The following ABHD16B variants were observed in gnomAD, a reference collection of about 807,000 sequenced individuals.
The protein encoded by ABHD16B is abhydrolase domain-containing protein 16B.
ABHD16B carries 14 observed loss-of-function variants against 10.5 expected under a neutral mutation model. That is an observed-to-expected ratio of 1.33 (90% CI 0.88 to 2.08). The LOEUF (loss-of-function observed/expected upper bound fraction) is 2.08, where lower values mean the gene tolerates loss of function less well. Ranked by LOEUF, ABHD16B falls within the 30% of genes most tolerant of loss-of-function variation. The pLI is 0.00. For synonymous variants in ABHD16B, 374 were observed against 337.9 expected (o/e 1.11, Z -1.17); for missense variants, 763 against 717.4 (o/e 1.06, Z -0.73).
rs774096166 is a variant in ABHD16B at position 63,862,434 on chromosome 20, C to T, written c.894C>T (p.His298=). 82 of 1,579,430 alleles carry T rather than the reference C, an allele frequency of 5.2e-5. No homozygotes were observed. The highest frequency in any genetic ancestry group is 6.9e-5 in the Non-Finnish European group (81 of 1,166,592). Residue 298 remains histidine, a synonymous_variant, in exon 1 of 1, where the codon CAC becomes CAT. Transcript: ENST00000369916. The surrounding 1 kb of genome is among the most constrained non-coding windows in gnomAD (Gnocchi z 7.5). ...TGGTGGTGCGCACCGTGCGCGAGCA[C>T]TTCAACCTCAACGTGGCCGAGCAGC... is the stretch of plus-strand genomic sequence containing the variant. ...KGLVVRTVRE[H]FNLNVAEQLC... is the part of the protein sequence containing the mutation.
In ABHD16B at chr20:63,862,105, C is replaced by G. The variant is rs1173014462; in HGVS notation, c.565C>G (p.Leu189Val). 2 of 1,611,924 alleles carry G rather than the reference C, an allele frequency of 1.2e-6. No individual in the cohort carries two copies. Among genetic ancestry groups the G allele is most frequent in the Non-Finnish European group, 1.7e-6 (2 of 1,179,730 alleles). The change falls in exon 1 of 1, where the codon CTG (leucine) becomes GTG (valine). Residue 189 changes from leucine (L) to valine (V), a missense_variant. Coordinates refer to ENST00000369916, the MANE Select transcript of ABHD16B (RefSeq NM_080622.4). The surrounding 1 kb of genome is among the most constrained non-coding windows in gnomAD (Gnocchi z 7.5). ...GNAGFYEMGC[L>V]SAPLEAGYSV... ...CGCGGGCTTCTACGAGATGGGCTGT[C>G]TGTCTGCACCGCTCGAGGCCGGCTA... is the stretch of plus-strand genomic sequence containing the variant.
chr20:63,862,860 G>C lies in ABHD16B; in HGVS notation c.1320G>C (p.Leu440=). 6.5e-7 allele frequency: 1 copy of C among 1,539,766 alleles called. No homozygotes were observed. Among genetic ancestry groups the C allele is most frequent in the South Asian group, 1.2e-5 (1 of 83,934 alleles). ...LSSRRRRRLA[L]FLARKHLKNV... is the part of the protein sequence containing the mutation. ...CGCGGCGGCGCCGGCGCCTCGCACT[G>C]TTCCTGGCTCGGAAGCACCTCAAGA... is the stretch of plus-strand genomic sequence containing the variant. The change falls in exon 1 of 1, where the codon CTG becomes CTC. Residue 440 remains leucine, a synonymous_variant. Coordinates refer to ENST00000369916, the MANE Select transcript of ABHD16B (RefSeq NM_080622.4). This position sits in a 1 kb window ranked among gnomAD's most constrained non-coding sequence, Gnocchi z 7.5.
chr20:63,862,353 C>T lies in ABHD16B; in HGVS notation c.813C>T (p.Thr271=), dbSNP rs762734119. 1.2e-6 allele frequency: 2 copies of T among 1,611,840 alleles called. No individual in the cohort carries two copies. The highest frequency in any genetic ancestry group is 1.7e-6 in the Non-Finnish European group (2 of 1,179,548). Residue 271 remains threonine (T), a synonymous_variant, in exon 1 of 1, where the codon ACC becomes ACT. Transcript: ENST00000369916. The surrounding 1 kb of genome is among the most constrained non-coding windows in gnomAD (Gnocchi z 7.5). The stretch of plus-strand genomic sequence containing the variant: ...TGGGTGCACTGGTGCTGGACGCCAC[C>T]TTCGACGACCTTGTGCCGCTGGCGC... ...PELGALVLDA[T]FDDLVPLALK...
At position 63,861,513 on chromosome 20, in the gene ABHD16B, C is replaced by T. The variant is rs1179060728; in HGVS notation, c.-28C>T. 1 of 1,537,862 alleles carries T rather than the reference C, an allele frequency of 6.5e-7. No homozygotes were observed. Among genetic ancestry groups the T allele is most frequent in the Admixed American group, 2.0e-5 (1 of 50,946 alleles). On this transcript the variant is annotated 5_prime_UTR_variant, in exon 1 of 1. Transcript: ENST00000369916. The surrounding 1 kb of genome is among the most constrained non-coding windows in gnomAD (Gnocchi z 5.4). The stretch of plus-strand genomic sequence containing the variant: ...TGTGCCTCTCGCGGCGATCCCGGCC[C>T]AGCGGCTGGGCGTTAGGGCCACCGC...
rs1041340365 is a variant in ABHD16B, at chr20:63,862,704, C to T, written c.1164C>T (p.Arg388=). The part of the protein sequence containing the change: ...AQEAAFYARY[R]VDEDWCLALL... ...AGGCCGCCTTCTATGCACGCTACCG[C>T]GTGGACGAGGACTGGTGCCTGGCGC... The change falls in exon 1 of 1, where the codon CGC becomes CGT. Residue 388 remains arginine (R), a synonymous_variant. Transcript: ENST00000369916. The surrounding 1 kb of genome is among the most constrained non-coding windows in gnomAD (Gnocchi z 7.5). 6.5e-7 allele frequency: 1 copy of T among 1,533,588 alleles called. No homozygotes were observed. The allele number at this position is 1,533,588 out of a possible 1,614,324, so 95.0% of individuals were successfully genotyped here. A position where few individuals can be genotyped will look rare whatever the true frequency, so the allele number is the denominator to read the frequency against.
rs2052103206 is a variant in ABHD16B, at chr20:63,862,713, G to A, written c.1173G>A (p.Glu391=). The part of the protein sequence containing the change: ...AAFYARYRVD[E]DWCLALLRSY... ...TCTATGCACGCTACCGCGTGGACGA[G>A]GACTGGTGCCTGGCGCTGCTGCGCT... Residue 391 remains glutamate (E), a synonymous_variant, in exon 1 of 1, where the codon GAG becomes GAA. Coordinates refer to ENST00000369916, the MANE Select transcript of ABHD16B (RefSeq NM_080622.4). This position sits in a 1 kb window ranked among gnomAD's most constrained non-coding sequence, Gnocchi z 7.5. The A allele has an allele frequency of 6.5e-7, 1 of 1,531,606 alleles. No homozygotes were observed. Among genetic ancestry groups the A allele is most frequent in the Non-Finnish European group, 8.7e-7 (1 of 1,143,022 alleles). The allele number at this position is 1,531,606 out of a possible 1,614,324, so 94.9% of individuals were successfully genotyped here.
At position 63,862,837 on chromosome 20, in the gene ABHD16B, C is replaced by G. The variant is rs1030777921; in HGVS notation, c.1297C>G (p.Arg433Gly). 1.3e-6 allele frequency: 2 copies of G among 1,534,976 alleles called. No homozygotes were observed. The highest frequency in any genetic ancestry group is 1.4e-5 in the African/African-American group (1 of 72,984). Reference sequence around the variant, plus strand: ...GCTGGTGGGCCAGGGCCTGAGCTCGCGGCGGCGCCGGCGCCTCGCACTGTT... The same window carrying G: ...GCTGGTGGGCCAGGGCCTGAGCTCGGGGCGGCGCCGGCGCCTCGCACTGTT... ...PWLVGQGLSS[R>G]RRRRLALFLA... The change falls in exon 1 of 1, where the codon CGG becomes GGG. Residue 433 changes from arginine to glycine, a missense_variant. By Grantham distance (125) the Arg-to-Gly change is moderately radical. Transcript: ENST00000369916. This position sits in a 1 kb window ranked among gnomAD's most constrained non-coding sequence, Gnocchi z 7.5.
chr20:63,862,918 C>T lies in ABHD16B; in HGVS notation c.1378C>T (p.Pro460Ser), dbSNP rs1422606793. ...VEATHFSPLE[P>S]EEFQLPWRL Reference sequence around the variant, plus strand: ...GGCGACTCACTTCAGCCCTCTGGAGCCTGAGGAGTTTCAGTTGCCCTGGCG... The same window carrying T: ...GGCGACTCACTTCAGCCCTCTGGAGTCTGAGGAGTTTCAGTTGCCCTGGCG... Residue 460 changes from proline to serine, a missense_variant, in exon 1 of 1, where the codon CCT becomes TCT. Coordinates refer to ENST00000369916, the MANE Select transcript of ABHD16B (RefSeq NM_080622.4). The surrounding 1 kb of genome is among the most constrained non-coding windows in gnomAD (Gnocchi z 7.5). The T allele has an allele frequency of 2.0e-6, 3 of 1,501,182 alleles. No individual in the cohort carries two copies. The highest frequency in any genetic ancestry group is 2.7e-6 in the Non-Finnish European group (3 of 1,125,474). 93.0% of individuals were successfully genotyped at this position (1,501,182 alleles called of 1,614,324 possible). A position where few individuals can be genotyped will look rare whatever the true frequency, so the allele number is the denominator to read the frequency against.
chr20:63,862,455 G>A lies in ABHD16B; in HGVS notation c.915G>A (p.Glu305=). 1 of 1,568,868 alleles carries A rather than the reference G, an allele frequency of 6.4e-7. No individual in the cohort carries two copies. The highest frequency in any genetic ancestry group is 1.1e-5 in the South Asian group (1 of 87,168). The change falls in exon 1 of 1, where the codon GAG becomes GAA. Residue 305 remains glutamate, a synonymous_variant. Coordinates refer to ENST00000369916, the MANE Select transcript of ABHD16B (RefSeq NM_080622.4). The surrounding 1 kb of genome is among the most constrained non-coding windows in gnomAD (Gnocchi z 7.5). ...VREHFNLNVA[E]QLCCYPGPVL... is the part of the protein sequence containing the mutation. ...AGCACTTCAACCTCAACGTGGCCGA[G>A]CAGCTGTGCTGCTACCCGGGGCCGG...
Position 63,861,534 on chromosome 20 carries a change from A to C in ABHD16B, c.-7A>C, listed in dbSNP as rs745937528. Reference sequence around the variant, plus strand: ...GGCCCAGCGGCTGGGCGTTAGGGCCACCGCTCATGTGCGTCATCTGCTTCG... The same window carrying C: ...GGCCCAGCGGCTGGGCGTTAGGGCCCCCGCTCATGTGCGTCATCTGCTTCG... On this transcript the variant is annotated 5_prime_UTR_variant, in exon 1 of 1. Transcript: ENST00000369916. This position sits in a 1 kb window ranked among gnomAD's most constrained non-coding sequence, Gnocchi z 5.4. The C allele has an allele frequency of 9.1e-6, 14 of 1,544,850 alleles. No individual in the cohort carries two copies. In the South Asian group the frequency reaches 1.5e-4, roughly 17 times the overall value.
Position 63,862,212 on chromosome 20 carries a change from C to A in ABHD16B, c.672C>A (p.Asp224Glu), listed in dbSNP as rs144760130. The A allele has an allele frequency of 6.2e-7, 1 of 1,611,406 alleles. No individual in the cohort carries two copies. Among genetic ancestry groups the A allele is most frequent in the Non-Finnish European group, 8.5e-7 (1 of 1,179,624 alleles). ...CTCAGCACGACGCCAACGCCATGGA[C>A]GTGGTGGTCGAGTACGCACTGCACC... The part of the protein sequence containing the change: ...PFPQHDANAM[D>E]VVVEYALHRL... Residue 224 changes from aspartate to glutamate, a missense_variant, in exon 1 of 1, where the codon GAC (aspartate) becomes GAA (glutamate). By Grantham distance (45) the Asp-to-Glu change is conservative. Transcript: ENST00000369916. The surrounding 1 kb of genome is among the most constrained non-coding windows in gnomAD (Gnocchi z 7.5).
Position 63,861,822 on chromosome 20 carries a change from C to G in ABHD16B, c.282C>G (p.Pro94=). ...QCLLQQLREL[P]GQLASYALAH... ...TCTTGCAGCAGCTCCGCGAGCTGCCCGGCCAGCTCGCTAGCTACGCGCTGG... is the reference window on the plus strand; with the variant it reads ...TCTTGCAGCAGCTCCGCGAGCTGCCGGGCCAGCTCGCTAGCTACGCGCTGG... Residue 94 remains proline, a synonymous_variant, in exon 1 of 1, where the codon CCC becomes CCG. Coordinates refer to ENST00000369916, the MANE Select transcript of ABHD16B (RefSeq NM_080622.4). The surrounding 1 kb of genome is among the most constrained non-coding windows in gnomAD (Gnocchi z 5.4). 6.6e-7 allele frequency: 1 copy of G among 1,508,846 alleles called. No individual in the cohort carries two copies. Among genetic ancestry groups the G allele is most frequent in the Non-Finnish European group, 8.8e-7 (1 of 1,133,932 alleles). The allele number at this position is 1,508,846 out of a possible 1,614,324, so 93.5% of individuals were successfully genotyped here.
rs531437630 is a variant in ABHD16B at position 63,862,612 on chromosome 20, G to A, written c.1072G>A (p.Val358Ile). ...LLRLLEHRYP[V>I]VMAREGRAVV... is the part of the protein sequence containing the mutation. ...GCGCCTGCTGGAGCACCGCTACCCC[G>A]TCGTGATGGCGCGAGAGGGCCGCGC... Residue 358 changes from valine (V) to isoleucine (I), a missense_variant, in exon 1 of 1, where the codon GTC becomes ATC. Coordinates refer to ENST00000369916, the MANE Select transcript of ABHD16B (RefSeq NM_080622.4). This position sits in a 1 kb window ranked among gnomAD's most constrained non-coding sequence, Gnocchi z 7.5. The A allele has an allele frequency of 9.7e-6, 15 of 1,550,978 alleles. No individual in the cohort carries two copies. The highest frequency in any genetic ancestry group is 6.8e-5 in the African/African-American group (5 of 73,886).
Position 63,861,584 on chromosome 20 carries a change from A to C in ABHD16B, c.44A>C (p.Lys15Thr). ...GTGAAGGCGCTGGTGCGCGTGTTCA[A>C]GATCTACCTGACCGCCAGCTACACC... ...CFVKALVRVF[K>T]IYLTASYTYP... Residue 15 changes from lysine to threonine, a missense_variant, in exon 1 of 1, where the codon AAG (lysine) becomes ACG (threonine). Transcript: ENST00000369916. This position sits in a 1 kb window ranked among gnomAD's most constrained non-coding sequence, Gnocchi z 5.4. The C allele has an allele frequency of 6.4e-7, 1 of 1,561,688 alleles. No homozygotes were observed. The highest frequency in any genetic ancestry group is 8.7e-7 in the Non-Finnish European group (1 of 1,155,422).
rs757965730 is a variant in ABHD16B at position 63,862,836 on chromosome 20, G to C, written c.1296G>C (p.Ser432=). The C allele has an allele frequency of 9.8e-6, 15 of 1,535,216 alleles. No individual in the cohort carries two copies. Among genetic ancestry groups the C allele is most frequent in the African/African-American group, 1.4e-5 (1 of 72,886 alleles). The change falls in exon 1 of 1, where the codon TCG becomes TCC. Residue 432 remains serine, a synonymous_variant. Transcript: ENST00000369916. This position sits in a 1 kb window ranked among gnomAD's most constrained non-coding sequence, Gnocchi z 7.5. ...FPWLVGQGLS[S]RRRRRLALFL... ...GGCTGGTGGGCCAGGGCCTGAGCTC[G>C]CGGCGGCGCCGGCGCCTCGCACTGT...
chr20:63,862,472 C>T lies in ABHD16B; in HGVS notation c.932C>T (p.Pro311Leu), dbSNP rs780891432. ...GTGGCCGAGCAGCTGTGCTGCTACC[C>T]GGGGCCGGTGCTGCTGCTCCGACGC... ...LNVAEQLCCY[P>L]GPVLLLRRTQ... Residue 311 changes from proline (P) to leucine (L), a missense_variant, in exon 1 of 1, where the codon CCG (proline) becomes CTG (leucine). Pro to Leu is a moderately conservative substitution (Grantham distance 98). Transcript: ENST00000369916. This position sits in a 1 kb window ranked among gnomAD's most constrained non-coding sequence, Gnocchi z 7.5. 1.5e-5 allele frequency: 24 copies of T among 1,564,314 alleles called. No individual in the cohort carries two copies. In the East Asian group the frequency reaches 2.8e-4, roughly 18 times the overall value.
At position 63,861,777 on chromosome 20, in the gene ABHD16B, G is replaced by C. The variant is rs750648123; in HGVS notation, c.237G>C (p.Ala79=). The stretch of plus-strand genomic sequence containing the variant: ...CGCTGGGGCGGCCTCCACGTGGGGC[G>C]CGCAGCCAGGCGCAGTGCCTCTTGC... ...GDALGRPPRG[A]RSQAQCLLQQ... The change falls in exon 1 of 1, where the codon GCG becomes GCC. Residue 79 remains alanine (A), a synonymous_variant. Transcript: ENST00000369916. This position sits in a 1 kb window ranked among gnomAD's most constrained non-coding sequence, Gnocchi z 5.4. The C allele has an allele frequency of 3.4e-5, 49 of 1,429,954 alleles. No homozygotes were observed. In the South Asian group the frequency reaches 6.7e-4, roughly 19 times the overall value. 88.6% of individuals were successfully genotyped at this position (1,429,954 alleles called of 1,614,324 possible).
Position 63,862,696 on chromosome 20 carries a change from C to T in ABHD16B, c.1156C>T (p.Arg386Cys), listed in dbSNP as rs1375849558. 5 of 1,534,756 alleles carry T rather than the reference C, an allele frequency of 3.3e-6. No individual in the cohort carries two copies. Among genetic ancestry groups the T allele is most frequent in the Admixed American group, 3.9e-5 (2 of 50,726 alleles). The change falls in exon 1 of 1, where the codon CGC (arginine) becomes TGC (cysteine). Residue 386 changes from arginine to cysteine, a missense_variant. By Grantham distance (180) the Arg-to-Cys change is radical. Transcript: ENST00000369916. The surrounding 1 kb of genome is among the most constrained non-coding windows in gnomAD (Gnocchi z 7.5). ...SLAQEAAFYA[R>C]YRVDEDWCLA... ...GGCGCAGGAGGCCGCCTTCTATGCA[C>T]GCTACCGCGTGGACGAGGACTGGTG...
rs2052088335 is a variant in ABHD16B at position 63,861,939 on chromosome 20, C to T, written c.399C>T (p.Arg133=). ...CGCTGCTGCAGCAGGGCCAAGAGCGCCTCGTGGAGCGCTACCACGGCCGGC... is the reference window on the plus strand; with the variant it reads ...CGCTGCTGCAGCAGGGCCAAGAGCGTCTCGTGGAGCGCTACCACGGCCGGC... ...LLPLLQQGQE[R]LVERYHGRRA... is the part of the protein sequence containing the mutation. Residue 133 remains arginine (R), a synonymous_variant, in exon 1 of 1, where the codon CGC becomes CGT. Coordinates refer to ENST00000369916, the MANE Select transcript of ABHD16B (RefSeq NM_080622.4). This position sits in a 1 kb window ranked among gnomAD's most constrained non-coding sequence, Gnocchi z 5.4. 2 of 1,595,554 alleles carry T rather than the reference C, an allele frequency of 1.3e-6. No individual in the cohort carries two copies. Among genetic ancestry groups the T allele is most frequent in the Non-Finnish European group, 1.7e-6 (2 of 1,177,334 alleles).
Sources: gnomAD v4.1 joint callset for allele counts on GRCh38, gnomAD v4.1.1 for gene constraint, Gnocchi (gnomAD v3.1) non-coding constraint, MANE v1.5 for transcripts, NCBI Gene and HGNC (gene_info 2026-07-23, HGNC 2026-07-21) for gene names.